Variants in PRKD3 observed in about 807,000 individuals in gnomAD.
PRKD3 encodes serine/threonine-protein kinase D3.
Under a neutral mutation model 99.2 loss-of-function variants are expected in PRKD3, and 47 were observed. That is an observed-to-expected ratio of 0.47 (90% CI 0.38 to 0.60). PRKD3 has a LOEUF of 0.60. Ranked by LOEUF, PRKD3 falls within the 20% of genes least tolerant of loss-of-function variation. The pLI is 0.00. For missense variants in PRKD3, 1,019 were observed against 1,088.4 expected, an observed-to-expected ratio of 0.94 and a Z score of 0.90; for synonymous variants, 392 against 355.4, an observed-to-expected ratio of 1.10 and a Z score of -1.16.
chr2:37,297,707 C>T (rs988113671), intron 2 of PRKD3, among the ~76,000 whole-genome samples: 1 of 152,118 alleles, frequency 6.6e-6, no homozygotes, highest in Non-Finnish European at 1.5e-5. Context: ...GGCCTTTCTA[C>T]TGGAATTTGT....
At chr2:37,267,299 G>A (rs1389131288) in intron 14 of PRKD3, 131 bp downstream of exon 14, 2 of 539,200 alleles carry the variant, frequency 3.7e-6, no homozygotes, top group Non-Finnish European at 6.3e-6. Context: ...GCAAGATATT[G>A]GCAGTCCCTA....
At chr2:37,281,578 G>A (rs758970364) in intron 7 of PRKD3, among the ~76,000 whole-genome samples, 32 of 152,028 alleles carry the variant, frequency 2.1e-4, no homozygotes, top group Admixed American at 3.3e-4. Flanking sequence ...ACCAGGAAAC[G>A]GACCCCCCTC....
chr2:37,297,138 G>C (rs1363143323), intron 2 of PRKD3, among the ~76,000 whole-genome samples: 1 of 151,996 alleles, frequency 6.6e-6, no homozygotes, highest in African/African-American at 2.4e-5. Context: ...TTTTCACGCA[G>C]GAGTGGATCT....
intron 15 of PRKD3, 74 bp from the exon 16 acceptor site, chr2:37,259,755 T>A: frequency 9.4e-7 from 1 of 1,062,202 alleles, no homozygotes; most frequent in Non-Finnish European, 1.4e-6. Flanking sequence ...CTTGAATGAT[T>A]TAATTTGAAA....
chr2:37,275,755 T>G lies in PRKD3; in HGVS notation c.1374+12A>C. The G allele has an allele frequency of 3.1e-6, 5 of 1,591,746 alleles. No homozygotes were observed. ...CTTAATGCTTATATTTTTTAAAGTG[T>G]AAAATCCTTACCTTATAATACTTTG... On this transcript the variant is annotated intron_variant, in intron 10 of 18. Coordinates refer to ENST00000234179, the MANE Select transcript of PRKD3 (RefSeq NM_005813.6).
At chr2:37,269,502 TA>T (rs950786977) in intron 13 of PRKD3, 112 bp downstream of exon 13, 141 of 838,238 alleles carry the variant, frequency 1.7e-4, no homozygotes, top group South Asian at 2.3e-4. Flanking sequence ...AGTCAGCCTT[TA>T]AAAAAAAGGC....
At chr2:37,295,417 T>C (rs565961493) in intron 2 of PRKD3, among the ~76,000 whole-genome samples, 1 of 152,228 alleles carries the variant, frequency 6.6e-6, no homozygotes, top group East Asian at 1.9e-4. Context: ...AGTGTAAGCA[T>C]CATCAATGAG....
intron 2 of PRKD3, among the ~76,000 whole-genome samples, chr2:37,299,216 G>A (rs1670804904): frequency 6.6e-6 from 1 of 151,986 alleles, no homozygotes; most frequent in African/African-American, 2.4e-5. Context: ...CTCTGTTGAC[G>A]TGACATATTA....
At chr2:37,268,538 AAGGGTAATAGAT>A in intron 13 of PRKD3, 1 of 337,774 alleles carries the variant, frequency 3.0e-6, no homozygotes, top group Non-Finnish European at 5.8e-6. Context: ...TGTAAACCCA[AAGGGTAATAGAT>A]ATTGTGAGAG....
chr2:37,279,824 G>A lies in PRKD3; in HGVS notation c.1094C>T (p.Pro365Leu). Residue 365 changes from proline to leucine, a missense_variant, in exon 8 of 19, where the codon CCC becomes CTC. Transcript: ENST00000234179. ...RGLDDTEEPS[P>L]PEDKMFFLDP... Reference sequence around the variant, plus strand: ...CAAGAAGAACATCTTATCTTCTGGGGGTGATGGCTCTTCTGTGTCATCCAA... The same window carrying A: ...CAAGAAGAACATCTTATCTTCTGGGAGTGATGGCTCTTCTGTGTCATCCAA... 6.2e-7 allele frequency: 1 copy of A among 1,613,618 alleles called. No homozygotes were observed. Among genetic ancestry groups the A allele is most frequent in the African/African-American group, 1.3e-5 (1 of 74,926 alleles).
At position 37,253,078 on chromosome 2, in the gene PRKD3, C is replaced by G. The variant is rs754006585; in HGVS notation, c.*99G>C. ...TATTCGTTATCATATTTCTTCATAT[C>G]TTTGCAGCACTGCAGATGACAATCT... On this transcript the variant is annotated 3_prime_UTR_variant, in exon 19 of 19. Transcript: ENST00000234179. 1.6e-4 allele frequency: 194 copies of G among 1,233,292 alleles called. No homozygotes were observed. Among genetic ancestry groups the G allele is most frequent in the Non-Finnish European group, 2.1e-4 (190 of 895,054 alleles). 76.4% of individuals were successfully genotyped at this position (1,233,292 alleles called of 1,614,324 possible).
rs1441601302 is a variant in PRKD3 at position 37,279,729 on chromosome 2, A to G, written c.1172+17T>C. The G allele has an allele frequency of 1.3e-6, 2 of 1,576,320 alleles. No homozygotes were observed. The highest frequency in any genetic ancestry group is 2.7e-5 in the African/African-American group (2 of 73,102). Reference sequence around the variant, plus strand: ...ACCTTGCATCTGGAAGTAGCTTGTAATATGTATATATATTACCTGATTGTT... The same window carrying G: ...ACCTTGCATCTGGAAGTAGCTTGTAGTATGTATATATATTACCTGATTGTT... On this transcript the variant is annotated intron_variant, in intron 8 of 18. Transcript: ENST00000234179.
intron 1 of PRKD3, among the ~76,000 whole-genome samples, chr2:37,318,355 CTT>C (rs973553644): frequency 4.6e-5 from 7 of 152,168 alleles, no homozygotes; most frequent in African/African-American, 1.4e-4. Flanking sequence ...CCTCATAACT[CTT>C]TGAAAGTTGA....
chr2:37,274,340 G>T, intron 11 of PRKD3, 81 bp downstream of exon 11: 1 of 1,476,920 alleles, frequency 6.8e-7, no homozygotes, highest in Non-Finnish European at 9.2e-7. Context: ...AACATTAAAA[G>T]GAACAAAGGA....
intron 14 of PRKD3, among the ~76,000 whole-genome samples, chr2:37,264,375 C>G (rs1668680945): frequency 6.6e-6 from 1 of 152,046 alleles, no homozygotes; most frequent in South Asian, 2.1e-4. Flanking sequence ...CATTATTAAA[C>G]AAAACTTGAC....
rs1460737453 is a variant in PRKD3 at position 37,269,607 on chromosome 2, T to C, written c.1777+8A>G. The C allele has an allele frequency of 2.5e-6, 4 of 1,603,810 alleles. No homozygotes were observed. The highest frequency in any genetic ancestry group is 2.2e-5 in the East Asian group (1 of 44,812). On this transcript the variant is annotated splice_region_variant and intron_variant, in intron 13 of 18. Transcript: ENST00000234179. ...GTGTACAATATGCAAACGGCTGTAG[T>C]TGCTTACCTCCATAAACGATGCCAA... is the stretch of plus-strand genomic sequence containing the variant.
At chr2:37,265,057 AAAGAAAAGCT>A (rs1303179629) in intron 14 of PRKD3, among the ~76,000 whole-genome samples, 1 of 152,190 alleles carries the variant, frequency 6.6e-6, no homozygotes, top group African/African-American at 2.4e-5. Flanking sequence ...TGGGCATGGG[AAAGAAAAGCT>A]ATGGACGCCT....
intron 2 of PRKD3, among the ~76,000 whole-genome samples, chr2:37,306,433 G>C (rs1317751052): frequency 8.5e-5 from 13 of 152,152 alleles, no homozygotes; most frequent in Admixed American, 8.5e-4. Context: ...AAAACAATAT[G>C]AAGATATAGG....
intron 14 of PRKD3, among the ~76,000 whole-genome samples, chr2:37,263,451 G>C (rs1668616026): frequency 6.6e-6 from 1 of 152,110 alleles, no homozygotes; most frequent in Non-Finnish European, 1.5e-5. Context: ...ACCTTACTAT[G>C]TTTAGACCTT....
Sources: gnomAD v4.1 joint callset for allele counts (sites outside exome capture counted in the v4.1 genomes callset) on GRCh38, gnomAD v4.1.1 for gene constraint, MANE v1.5 for transcripts, NCBI Gene and HGNC (gene_info 2026-07-23, HGNC 2026-07-21) for gene names.